Variants in RAP1GAP observed in about 807,000 individuals in gnomAD.
The protein encoded by RAP1GAP is RAP1 GTPase activating protein.
In RAP1GAP, 35 loss-of-function variants were observed where a neutral mutation model predicts 87.2. That is an observed-to-expected ratio of 0.40 (90% CI 0.31 to 0.53). RAP1GAP has a LOEUF of 0.53. Among genes scored for constraint, RAP1GAP ranks in the 20% least tolerant of loss-of-function variants. RAP1GAP has a pLI of 0.48. For missense variants in RAP1GAP, 734 were observed against 898.9 expected, an observed-to-expected ratio of 0.82 and a Z score of 2.35; for synonymous variants, 375 against 363.9, an observed-to-expected ratio of 1.03 and a Z score of -0.35.
intron 17 of RAP1GAP, among the ~76,000 whole-genome samples, 171 bp downstream of exon 17, chr1:21,608,042 T>G (rs1359310804): frequency 6.6e-6 from 1 of 150,468 alleles, no homozygotes; most frequent in Admixed American, 6.6e-5. Context: ...GGCCTCTAGC[T>G]GCACTCCCCA....
intron 2 of RAP1GAP, among the ~76,000 whole-genome samples, chr1:21,640,034 G>A (rs919315652): frequency 5.9e-5 from 9 of 152,126 alleles, no homozygotes; most frequent in Non-Finnish European, 8.8e-5. Context: ...GAGGCCCTGC[G>A]TGTCTGCTCC....
At chr1:21,610,330 GA>G in intron 13 of RAP1GAP, 55 bp from the exon 14 acceptor site, 1 of 1,598,738 alleles carries the variant, frequency 6.3e-7, no homozygotes, top group East Asian at 2.2e-5. Context: ...CCATGGGGGA[GA>G]GGGGTGCCCA....
chr1:21,619,568 A>AACGCAG (rs1374882189), intron 4 of RAP1GAP, among the ~76,000 whole-genome samples: 2 of 152,044 alleles, frequency 1.3e-5, no homozygotes, highest in Admixed American at 6.5e-5. Flanking sequence ...ACCTATGTGA[A>AACGCAG]ACGCAGACGG....
In RAP1GAP at chr1:21,613,022, C is replaced by T; in HGVS notation, c.528+154G>A. Reference sequence around the variant, plus strand: ...GAAGGCACAGGCCCTTTCGGTGGCTCCTCTTCTGCAAATTGTGGACTTCAC... The same window carrying T: ...GAAGGCACAGGCCCTTTCGGTGGCTTCTCTTCTGCAAATTGTGGACTTCAC... On this transcript the variant is annotated intron_variant, in intron 10 of 24. Coordinates refer to ENST00000374765, the MANE Select transcript of RAP1GAP (RefSeq NM_002885.4). This position sits in a 1 kb window ranked among gnomAD's most constrained non-coding sequence, Gnocchi z 4.7. 2 of 830,922 alleles carry T rather than the reference C, an allele frequency of 2.4e-6. No individual in the cohort carries two copies. Among genetic ancestry groups the T allele is most frequent in the South Asian group, 3.1e-5 (2 of 63,654 alleles). The allele number at this position is 830,922 out of a possible 1,614,324, so 51.5% of individuals were successfully genotyped here. A position where few individuals can be genotyped will look rare whatever the true frequency, so the allele number is the denominator to read the frequency against.
chr1:21,602,249 G>C (rs1363812733), intron 19 of RAP1GAP, among the ~76,000 whole-genome samples: 1 of 152,230 alleles, frequency 6.6e-6, no homozygotes, highest in African/African-American at 2.4e-5. Flanking sequence ...CCATGCCATG[G>C]GTTGTGTTCT....
chr1:21,619,796 G>C (rs2085470270), intron 4 of RAP1GAP, among the ~76,000 whole-genome samples: 1 of 152,120 alleles, frequency 6.6e-6, no homozygotes, highest in African/African-American at 2.4e-5. Flanking sequence ...CACAGGGATG[G>C]GAGCTGGGAG....
chr1:21,666,189 C>T (rs541583491), intron 1 of RAP1GAP, among the ~76,000 whole-genome samples: 15 of 152,314 alleles, frequency 9.8e-5, no homozygotes, highest in South Asian at 4.1e-4. Flanking sequence ...CTCTCCACAG[C>T]GCCAGTCTCT....
intron 1 of RAP1GAP, chr1:21,651,463 A>G: frequency 1.7e-6 from 1 of 599,008 alleles, no homozygotes; most frequent in Non-Finnish European, 3.3e-6. Flanking sequence ...GTAGCCCCGC[A>G]GCCCCAGTCA....
chr1:21,626,435 A>T, intron 2 of RAP1GAP, 38 bp from the exon 3 acceptor site: 1 of 1,551,394 alleles, frequency 6.4e-7, no homozygotes, highest in East Asian at 2.2e-5. Context: ...GAGAGCCCCA[A>T]GCCAGGAAAT....
At position 21,610,155 on chromosome 1, in the gene RAP1GAP, C is replaced by T. The variant is rs961343921; in HGVS notation, c.964G>A (p.Ala322Thr). ...GGGCCATCAGGGCCCCCGCCCTCAG[C>T]CTGCACCACGACGTAGGCATGCAGG... is the stretch of plus-strand genomic sequence containing the variant. ...NFLHAYVVVQ[A>T]EGGGPDGPLY... is the part of the protein sequence containing the mutation. Residue 322 changes from alanine (A) to threonine (T), a missense_variant, in exon 14 of 25, where the codon GCT becomes ACT. Physicochemically the swap from Ala to Thr is moderately conservative, Grantham distance 58. Coordinates refer to ENST00000374765, the MANE Select transcript of RAP1GAP (RefSeq NM_002885.4). 1.9e-6 allele frequency: 3 copies of T among 1,614,008 alleles called. No homozygotes were observed. The highest frequency in any genetic ancestry group is 2.7e-5 in the African/African-American group (2 of 74,930).
chr1:21,599,413 G>A, intron 21 of RAP1GAP, 81 bp downstream of exon 21: 1 of 1,526,530 alleles, frequency 6.6e-7, no homozygotes, highest in South Asian at 1.3e-5. Flanking sequence ...CAGGCTCGTG[G>A]TTCTACTCAG....
intron 1 of RAP1GAP, among the ~76,000 whole-genome samples, chr1:21,658,161 C>T (rs1246846460): frequency 6.6e-6 from 1 of 152,214 alleles, no homozygotes; most frequent in Non-Finnish European, 1.5e-5. Flanking sequence ...CTCTGGTTTA[C>T]AAATGAATAT....
intron 11 of RAP1GAP, 59 bp from the exon 12 acceptor site, chr1:21,611,875 T>G: frequency 6.5e-7 from 1 of 1,545,132 alleles, no homozygotes; most frequent in Non-Finnish European, 8.9e-7. Context: ...CTGCCCTCTG[T>G]CCCTACTTGG....
intron 1 of RAP1GAP, chr1:21,652,007 G>A: frequency 3.5e-6 from 1 of 286,380 alleles, no homozygotes; most frequent in Non-Finnish European, 5.2e-6. Flanking sequence ...TGTTCGCGCC[G>A]CCCTGGGCCG....
At chr1:21,610,399 C>A in intron 13 of RAP1GAP, 124 bp from the exon 14 acceptor site, 3 of 1,027,890 alleles carry the variant, frequency 2.9e-6, no homozygotes, top group Non-Finnish European at 4.3e-6. Flanking sequence ...TTGCTTTCCC[C>A]AAAATAATGT....
intron 2 of RAP1GAP, among the ~76,000 whole-genome samples, chr1:21,628,400 TAAAAAAAAAAA>T (rs528098037): frequency 1.8e-3 from 93 of 52,434 alleles, no homozygotes; most frequent in African/African-American, 5.4e-3. Context: ...CCATCTCTAC[TAAAAAAAAAAA>T]AAAAAAAAAA....
chr1:21,648,798 T>C (rs563363788), intron 2 of RAP1GAP, among the ~76,000 whole-genome samples: 21 of 152,246 alleles, frequency 1.4e-4, no homozygotes, highest in African/African-American at 5.1e-4. Flanking sequence ...GGAAGCAGCC[T>C]GAGGTTGCAT....
In RAP1GAP at chr1:21,635,352, C is replaced by T. The variant is rs79147842; in HGVS notation, c.-112-8955G>A. 1.8e-3 allele frequency among the ~76,000 whole-genome samples: 272 copies of T among 152,324 alleles called. 1 individual carries two copies. The highest frequency in any genetic ancestry group is 2.5e-3 in the Non-Finnish European group (171 of 68,036). On this transcript the variant is annotated intron_variant, in intron 2 of 24. Coordinates refer to ENST00000374765, the MANE Select transcript of RAP1GAP (RefSeq NM_002885.4). ...CCAGGCATTCCTTCGCTCACTCACC[C>T]ACTCGGTCATCTACCCACTCCCCCA...
intron 2 of RAP1GAP, among the ~76,000 whole-genome samples, chr1:21,638,404 C>T (rs1215172800): frequency 6.6e-6 from 1 of 150,418 alleles, no homozygotes. Flanking sequence ...TTGCAGTGAA[C>T]CAAGATTGCA....
Sources: gnomAD v4.1 joint callset for allele counts (sites outside exome capture counted in the v4.1 genomes callset) on GRCh38, gnomAD v4.1.1 for gene constraint, Gnocchi (gnomAD v3.1) non-coding constraint, MANE v1.5 for transcripts, NCBI Gene and HGNC (gene_info 2026-07-23, HGNC 2026-07-21) for gene names.